The following SNX31 variants were observed in gnomAD, a reference collection of about 807,000 sequenced individuals.
SNX31 encodes the protein sorting nexin-31.
In SNX31, 58 loss-of-function variants were observed where a neutral mutation model predicts 65.4. The ratio of observed to expected loss-of-function variants is 0.89; its 90% CI spans 0.72 to 1.10. The LOEUF (loss-of-function observed/expected upper bound fraction) is 1.10. Ranked by LOEUF, SNX31 falls within the 50% of genes least tolerant of loss-of-function variation. The pLI, the probability that SNX31 is intolerant of heterozygous loss-of-function variation, is 0.00. For missense variants in SNX31, 523 were observed against 529.7 expected (o/e 0.99, Z 0.12); for synonymous variants, 181 against 190.1 (o/e 0.95, Z 0.39).
At chr8:100,617,968 G>C (rs1444602080) in intron 4 of SNX31, 2 of 535,354 alleles carry the variant, frequency 3.7e-6, no homozygotes, top group Non-Finnish European at 4.8e-6. Flanking sequence ...GTTTTACTGT[G>C]TTGGCCAGGC....
rs372331440 is a variant in SNX31, at chr8:100,588,883, C to T, written c.1075G>A (p.Val359Ile). 1 of 1,613,750 alleles carries T rather than the reference C, an allele frequency of 6.2e-7. No homozygotes were observed. The highest frequency in any genetic ancestry group is 8.5e-7 in the Non-Finnish European group (1 of 1,179,692). ...GAACTCACCTGTTTGGTGTAAATAACAAACCACTGCCAGCAACTATCCTCA... is the reference window on the plus strand; with the variant it reads ...GAACTCACCTGTTTGGTGTAAATAATAAACCACTGCCAGCAACTATCCTCA... ...YSEDSCWQWFVIYTKQAFLLS... is the reference protein window; with the variant it reads ...YSEDSCWQWFIIYTKQAFLLS... The change falls in exon 11 of 14, where the codon GTT becomes ATT. Residue 359 changes from valine (V) to isoleucine (I), a missense_variant. Coordinates refer to ENST00000311812, the MANE Select transcript of SNX31 (RefSeq NM_152628.4). This position sits in a 1 kb window ranked among gnomAD's most constrained non-coding sequence, Gnocchi z 4.8.
At chr8:100,627,214 T>C (rs1818100281) in intron 4 of SNX31, among the ~76,000 whole-genome samples, 1 of 152,090 alleles carries the variant, frequency 6.6e-6, no homozygotes, top group African/African-American at 2.4e-5. Context: ...TAGCCAGGCG[T>C]GGTGGCACAT....
At chr8:100,599,318 G>T (rs1003217569) in intron 9 of SNX31, among the ~76,000 whole-genome samples, 1 of 152,128 alleles carries the variant, frequency 6.6e-6, no homozygotes, top group African/African-American at 2.4e-5. Context: ...AGTTTATAGG[G>T]CAGATATGTG....
At chr8:100,583,217 C>T (rs1160398541) in intron 12 of SNX31, among the ~76,000 whole-genome samples, 1 of 151,458 alleles carries the variant, frequency 6.6e-6, no homozygotes, top group Non-Finnish European at 1.5e-5. Context: ...AGCAATTCTC[C>T]TGCCTCAGCC....
intron 1 of SNX31, among the ~76,000 whole-genome samples, chr8:100,659,781 T>A (rs1809747201): frequency 6.6e-6 from 1 of 152,246 alleles, no homozygotes; most frequent in African/African-American, 2.4e-5. Context: ...TTTTAGTTTA[T>A]ATCTTTCCAG....
upstream of SNX31, among the ~76,000 whole-genome samples, chr8:100,652,751 G>A (rs752350308): frequency 1.3e-5 from 2 of 152,108 alleles, no homozygotes; most frequent in African/African-American, 2.4e-5. Flanking sequence ...CACGTCTCCT[G>A]AGTCCTTCAC....
chr8:100,616,235 AC>A, intron 5 of SNX31, among the ~76,000 whole-genome samples: 1 of 152,252 alleles, frequency 6.6e-6, no homozygotes, highest in South Asian at 2.1e-4. Flanking sequence ...AAGATAGGAG[AC>A]CCCAAACTAT....
intron 8 of SNX31, among the ~76,000 whole-genome samples, chr8:100,602,932 G>A (rs77808330): frequency 0.017 from 2,613 of 152,192 alleles, 33 homozygotes; most frequent in Non-Finnish European, 0.024. Flanking sequence ...GAATAAGGGG[G>A]GCCTACTCTG....
chr8:100,584,218 T>A (rs368032212), intron 11 of SNX31, 30 bp from the exon 12 acceptor site: 3 of 1,559,070 alleles, frequency 1.9e-6, no homozygotes, highest in Non-Finnish European at 2.6e-6. Flanking sequence ...AGAACTCTTG[T>A]AACCGAAGAA....
At position 100,575,049 on chromosome 8, in the gene SNX31, G is replaced by A. The variant is rs943678554; in HGVS notation, c.1228-1089C>T. 6.6e-6 allele frequency among the ~76,000 whole-genome samples: 1 copy of A among 152,224 alleles called. No homozygotes were observed. Among genetic ancestry groups the A allele is most frequent in the African/African-American group, 2.4e-5 (1 of 41,464 alleles). On this transcript the variant is annotated intron_variant, in intron 13 of 13. Transcript: ENST00000311812. The surrounding 1 kb of genome is among the most constrained non-coding windows in gnomAD (Gnocchi z 5.1). The stretch of plus-strand genomic sequence containing the variant: ...TATGAAATCTCAAAGACACGGTTAT[G>A]GAAAGTGGAAAGTGAAAAAAAAAAT...
intron 1 of SNX31, among the ~76,000 whole-genome samples, chr8:100,657,565 T>C (rs3016888): frequency 0.2 from 30,351 of 151,792 alleles, 3,197 homozygotes; most frequent in Middle Eastern, 0.24. Context: ...GAGACCTCAT[T>C]TGGGGAGGCA....
chr8:100,654,692 G>A (rs907449939), intron 1 of SNX31, among the ~76,000 whole-genome samples: 3 of 152,224 alleles, frequency 2.0e-5, no homozygotes, highest in Non-Finnish European at 4.4e-5. Context: ...CACATTCAAT[G>A]TGGGAATTGA....
Position 100,588,711 on chromosome 8 carries a change from A to G in SNX31, c.1092+155T>C, listed in dbSNP as rs754082533. ...GACTAGTAAAATATAACAAAACATAAAACAAAATAAAAGGTATTACGGTCC... is the reference window on the plus strand; with the variant it reads ...GACTAGTAAAATATAACAAAACATAGAACAAAATAAAAGGTATTACGGTCC... On this transcript the variant is annotated intron_variant, in intron 11 of 13. Coordinates refer to ENST00000311812, the MANE Select transcript of SNX31 (RefSeq NM_152628.4). The surrounding 1 kb of genome is among the most constrained non-coding windows in gnomAD (Gnocchi z 4.8). 6.6e-5 allele frequency among the ~76,000 whole-genome samples: 10 copies of G among 152,210 alleles called. No homozygotes were observed. The highest frequency in any genetic ancestry group is 1.3e-4 in the Non-Finnish European group (9 of 68,038).
At chr8:100,591,980 T>A (rs1814629050) in intron 10 of SNX31, among the ~76,000 whole-genome samples, 1 of 152,034 alleles carries the variant, frequency 6.6e-6, no homozygotes, top group Non-Finnish European at 1.5e-5. Context: ...TTACTTGAAA[T>A]GAATAGGAGG....
intron 2 of SNX31, among the ~76,000 whole-genome samples, chr8:100,647,425 T>A (rs1819712535): frequency 6.6e-6 from 1 of 152,224 alleles, no homozygotes; most frequent in African/African-American, 2.4e-5. Flanking sequence ...TTACTCACTC[T>A]ATGCCTCTGC....
chr8:100,599,164 C>G (rs1346838842), intron 9 of SNX31, among the ~76,000 whole-genome samples: 1 of 151,950 alleles, frequency 6.6e-6, no homozygotes. Flanking sequence ...CAAAGCAAAG[C>G]TTTTTTAAAA....
intron 2 of SNX31, among the ~76,000 whole-genome samples, chr8:100,645,002 C>T (rs894840877): frequency 6.6e-6 from 1 of 152,222 alleles, no homozygotes; most frequent in Non-Finnish European, 1.5e-5. Flanking sequence ...CTCCACATAC[C>T]CTGGCTGAGA....
At chr8:100,649,160 C>T in intron 2 of SNX31, 114 bp downstream of exon 2, 1 of 988,098 alleles carries the variant, frequency 1.0e-6, no homozygotes, top group Non-Finnish European at 1.6e-6. Context: ...ATAGGAAGCC[C>T]GAGGCCGTGA....
intron 11 of SNX31, among the ~76,000 whole-genome samples, chr8:100,587,285 T>C (rs1814131563): frequency 6.6e-6 from 1 of 152,144 alleles, no homozygotes; most frequent in Non-Finnish European, 1.5e-5. Flanking sequence ...AAGAGAGATA[T>C]GGGTTGAGCA....
Sources: gnomAD v4.1 joint callset for allele counts (sites outside exome capture counted in the v4.1 genomes callset) on GRCh38, gnomAD v4.1.1 for gene constraint, Gnocchi (gnomAD v3.1) non-coding constraint, MANE v1.5 for transcripts, NCBI Gene and HGNC (gene_info 2026-07-23, HGNC 2026-07-21) for gene names.